CDH2: variants seen among roughly 807,000 people sequenced by gnomAD.
CDH2 encodes the protein cadherin-2.
CDH2 carries 17 observed loss-of-function variants against 92.0 expected under a neutral mutation model. The observed-to-expected ratio is 0.18, with a 90% confidence interval of 0.13 to 0.28. The LOEUF is 0.28. Ranked by LOEUF, CDH2 falls within the 10% of genes least tolerant of loss-of-function variation. The probability of loss-of-function intolerance (pLI) is 1.00; values close to 1 mark genes in which losing one functional copy is unlikely to be tolerated. For missense variants in CDH2, 862 were observed against 1,133.1 expected (o/e 0.76, Z 3.44); for synonymous variants, 419 against 415.9 (o/e 1.01, Z -0.09).
At chr18:28,096,880 A>G (rs2015144053) in intron 2 of CDH2, among the ~76,000 whole-genome samples, 1 of 152,256 alleles carries the variant, frequency 6.6e-6, no homozygotes, top group South Asian at 2.1e-4. Context: ...ATGACAAGCT[A>G]AGCATGCTCC....
At chr18:28,129,611 C>G (rs2015732883) in intron 2 of CDH2, among the ~76,000 whole-genome samples, 1 of 152,042 alleles carries the variant, frequency 6.6e-6, no homozygotes, top group African/African-American at 2.4e-5. Context: ...GAGGATTGCT[C>G]CAGGCCAGGA....
At chr18:28,051,791 A>G (rs563116924) in intron 2 of CDH2, among the ~76,000 whole-genome samples, 41 of 152,246 alleles carry the variant, frequency 2.7e-4, no homozygotes, top group African/African-American at 9.6e-4. Context: ...GTGTACTGTT[A>G]TATCTTTTAC....
At chr18:28,092,603 C>T (rs2015057494) in intron 2 of CDH2, among the ~76,000 whole-genome samples, 2 of 151,482 alleles carry the variant, frequency 1.3e-5, no homozygotes, top group African/African-American at 2.4e-5. Flanking sequence ...CATAAAAACT[C>T]TGCAGTTGAA....
Position 28,013,671 on chromosome 18 carries a change from C to T in CDH2, c.399+12G>A, listed in dbSNP as rs199555994. The T allele has an allele frequency of 5.8e-5, 92 of 1,593,134 alleles. No homozygotes were observed. Among genetic ancestry groups the T allele is most frequent in the Non-Finnish European group, 7.1e-5 (82 of 1,161,076 alleles). On this transcript the variant is annotated intron_variant, in intron 3 of 15. Coordinates refer to ENST00000269141, the MANE Select transcript of CDH2 (RefSeq NM_001792.5). ...TTTTAACCAGCCCTAAAGCCATATT[C>T]GGATACTATACCTTCACTGACTCCT...
intron 2 of CDH2, among the ~76,000 whole-genome samples, chr18:28,089,812 C>T: frequency 6.6e-6 from 1 of 152,078 alleles, no homozygotes; most frequent in East Asian, 1.9e-4. Context: ...TTAATGGACA[C>T]CTGCTACCCT....
chr18:28,103,280 GTA>G (rs1385737792), intron 2 of CDH2, among the ~76,000 whole-genome samples: 2 of 127,844 alleles, frequency 1.6e-5, no homozygotes, highest in Non-Finnish European at 3.3e-5. Context: ...TATATATAAA[GTA>G]TATATATAAA....
chr18:28,011,543 G>C (rs961059880), intron 4 of CDH2, among the ~76,000 whole-genome samples: 3 of 152,194 alleles, frequency 2.0e-5, no homozygotes, highest in Non-Finnish European at 4.4e-5. Flanking sequence ...TGTGTTATGA[G>C]AGTGGAAATG....
chr18:27,985,870 A>G, intron 11 of CDH2, 109 bp from the exon 12 acceptor site: 1 of 666,374 alleles, frequency 1.5e-6, no homozygotes, highest in Non-Finnish European at 2.5e-6. Flanking sequence ...TAACTGTGTA[A>G]CCTTGGAAAA....
chr18:28,061,749 C>T (rs1372308106), intron 2 of CDH2, among the ~76,000 whole-genome samples: 1 of 152,158 alleles, frequency 6.6e-6, no homozygotes, highest in Non-Finnish European at 1.5e-5. Flanking sequence ...CTGGGGAGGA[C>T]TCACAATCAT....
intron 2 of CDH2, among the ~76,000 whole-genome samples, chr18:28,035,734 G>T (rs901501232): frequency 2.0e-5 from 3 of 152,014 alleles, no homozygotes; most frequent in African/African-American, 7.2e-5. Context: ...GTTTTTCATT[G>T]TATAAAGTTC....
intron 2 of CDH2, among the ~76,000 whole-genome samples, chr18:28,128,323 C>T (rs2015710302): frequency 1.3e-5 from 2 of 152,096 alleles, no homozygotes; most frequent in Non-Finnish European, 2.9e-5. Context: ...TCTAGGTGTA[C>T]AATATAATAT....
At chr18:28,140,876 T>C (rs2015941470) in intron 2 of CDH2, among the ~76,000 whole-genome samples, 1 of 141,768 alleles carries the variant, frequency 7.1e-6, no homozygotes, top group Non-Finnish European at 1.5e-5. Flanking sequence ...ACAATTTGAA[T>C]AGACATTTCT....
intron 1 of CDH2, among the ~76,000 whole-genome samples, chr18:28,166,348 G>C (rs2016385422): frequency 6.6e-6 from 1 of 151,618 alleles, no homozygotes; most frequent in Admixed American, 6.6e-5. Context: ...ATCGACGTTT[G>C]AGTACACCAC....
chr18:27,960,045 C>CACACACACACAA (rs2011360832), intron 15 of CDH2, among the ~76,000 whole-genome samples: 1 of 147,872 alleles, frequency 6.8e-6, no homozygotes, highest in Non-Finnish European at 1.5e-5. Flanking sequence ...CACACACACA[C>CACACACACACAA]ACAAACACAC....
intron 14 of CDH2, among the ~76,000 whole-genome samples, chr18:27,978,917 A>T (rs2011944273): frequency 2.0e-5 from 3 of 152,018 alleles, no homozygotes. Context: ...TAGCCTCCCA[A>T]AGTCCTGGGA....
At chr18:28,008,893 A>C (rs1347670899) in intron 5 of CDH2, among the ~76,000 whole-genome samples, 1 of 152,084 alleles carries the variant, frequency 6.6e-6, no homozygotes, top group Non-Finnish European at 1.5e-5. Context: ...TAGATGATGG[A>C]TCAATGGGGA....
At chr18:28,094,821 G>A (rs1365195219) in intron 2 of CDH2, among the ~76,000 whole-genome samples, 2 of 132,070 alleles carry the variant, frequency 1.5e-5, no homozygotes, top group Admixed American at 1.5e-4. Flanking sequence ...AAAAATTACT[G>A]CTATAGTTCC....
intron 15 of CDH2, among the ~76,000 whole-genome samples, chr18:27,960,096 T>C (rs2011362777): frequency 6.6e-6 from 1 of 151,708 alleles, no homozygotes; most frequent in East Asian, 1.9e-4. Context: ...AATTTCCAAA[T>C]TGGATCCTTT....
intron 2 of CDH2, among the ~76,000 whole-genome samples, chr18:28,130,247 C>T (rs192873586): frequency 7.9e-5 from 12 of 152,268 alleles, no homozygotes; most frequent in Non-Finnish European, 1.5e-4. Flanking sequence ...CAGAGGTCCA[C>T]ACTGCTGCAG....
Sources: allele counts gnomAD v4.1 joint callset (sites outside exome capture counted in the v4.1 genomes callset), GRCh38; gene constraint gnomAD v4.1.1; transcripts MANE v1.5; gene names NCBI Gene and HGNC (gene_info 2026-07-23, HGNC 2026-07-21).